The following RORA variants were observed in gnomAD, a reference collection of about 807,000 sequenced individuals.
The protein encoded by RORA is RAR related orphan receptor A, also known as nuclear receptor ROR-alpha.
In RORA, 7 loss-of-function variants were observed where a neutral mutation model predicts 69.5. The ratio of observed to expected loss-of-function variants is 0.10; its 90% confidence interval spans 0.06 to 0.19. RORA has a LOEUF of 0.19. Among genes scored for constraint, RORA ranks in the 10% least tolerant of loss-of-function variants. RORA has a pLI of 1.00. For missense variants in RORA, 457 were observed against 663.0 expected (o/e 0.69, Z 3.41); for synonymous variants, 261 against 240.8 (o/e 1.08, Z -0.78).
intron 1 of RORA, among the ~76,000 whole-genome samples, chr15:60,881,977 T>C (rs1336557785): frequency 1.3e-5 from 2 of 152,250 alleles, no homozygotes; most frequent in African/African-American, 2.4e-5. Context: ...TGACCATGAA[T>C]GGATACCTGA....
intron 1 of RORA, among the ~76,000 whole-genome samples, chr15:61,174,481 A>C (rs1485355344): frequency 6.6e-6 from 1 of 152,156 alleles, no homozygotes; most frequent in African/African-American, 2.4e-5. Context: ...CTCCCTTCTC[A>C]CGCAGCTTAT....
chr15:60,642,882 A>G (rs189193967), intron 2 of RORA, among the ~76,000 whole-genome samples: 73 of 152,260 alleles, frequency 4.8e-4, no homozygotes, highest in African/African-American at 1.8e-3. Flanking sequence ...TCTTTAAAAA[A>G]TAAATACAGG....
chr15:60,542,577 T>C (rs1181787681), intron 2 of RORA, among the ~76,000 whole-genome samples: 1 of 99,780 alleles, frequency 1.0e-5, no homozygotes, highest in Non-Finnish European at 1.9e-5. Flanking sequence ...ACGGCACGCA[T>C]GCACACCTCA....
At position 60,905,208 on chromosome 15, in the gene RORA, T is replaced by G. The variant is rs938733086; in HGVS notation, c.167-226522A>C. The stretch of plus-strand genomic sequence containing the variant: ...TTAGCCCTGTTATCATCTCTGATCT[T>G]GACCATTTCCCTTAGCCACTGGGCA... On this transcript the variant is annotated intron_variant, in intron 1 of 10. Transcript: ENST00000335670. This position sits in a 1 kb window ranked among gnomAD's most constrained non-coding sequence, Gnocchi z 4.8. 2.0e-5 allele frequency among the ~76,000 whole-genome samples: 3 copies of G among 152,234 alleles called. No homozygotes were observed. The highest frequency in any genetic ancestry group is 4.4e-5 in the Non-Finnish European group (3 of 68,038).
intron 1 of RORA, among the ~76,000 whole-genome samples, chr15:61,135,783 G>A (rs949870230): frequency 7.2e-5 from 11 of 152,102 alleles, no homozygotes; most frequent in African/African-American, 2.4e-4. Flanking sequence ...AACAGACACC[G>A]AGCATCACTG....
At chr15:61,167,109 C>T (rs1166773863) in intron 1 of RORA, among the ~76,000 whole-genome samples, 1 of 152,202 alleles carries the variant, frequency 6.6e-6, no homozygotes, top group Non-Finnish European at 1.5e-5. Flanking sequence ...TCCAGTTCTT[C>T]TTGTAATGAC....
intron 1 of RORA, among the ~76,000 whole-genome samples, chr15:61,154,722 ATGG>A (rs2079427634): frequency 6.6e-6 from 1 of 152,130 alleles, no homozygotes; most frequent in Non-Finnish European, 1.5e-5. Flanking sequence ...GGGAAGGAAA[ATGG>A]TGGTCTTAGA....
intron 2 of RORA, among the ~76,000 whole-genome samples, chr15:60,573,517 T>C (rs908260172): frequency 6.6e-6 from 1 of 152,216 alleles, no homozygotes; most frequent in Non-Finnish European, 1.5e-5. Context: ...GCCTTAAAAA[T>C]ATCTGGCAGC....
At chr15:61,218,088 T>C (rs1430709085) in intron 1 of RORA, among the ~76,000 whole-genome samples, 1 of 152,020 alleles carries the variant, frequency 6.6e-6, no homozygotes, top group East Asian at 1.9e-4. Context: ...ATGAAACCAA[T>C]GTGGTGGCTC....
At chr15:60,506,887 T>C (rs1003456023) in intron 5 of RORA, among the ~76,000 whole-genome samples, 1 of 151,870 alleles carries the variant, frequency 6.6e-6, no homozygotes, top group African/African-American at 2.4e-5. Flanking sequence ...CTTGGGAGGC[T>C]GAAGCAGGAG....
At chr15:61,148,089 C>A (rs572866612) in intron 1 of RORA, among the ~76,000 whole-genome samples, 1 of 152,138 alleles carries the variant, frequency 6.6e-6, no homozygotes, top group African/African-American at 2.4e-5. Context: ...ATCAATCCAT[C>A]GATGCCGAAG....
chr15:60,573,188 G>A (rs111941974), intron 2 of RORA, among the ~76,000 whole-genome samples: 29 of 152,200 alleles, frequency 1.9e-4, no homozygotes, highest in African/African-American at 4.8e-4. Context: ...ATTGAACCGC[G>A]GCACCACAGA....
At chr15:60,640,814 T>C (rs1439482488) in intron 2 of RORA, among the ~76,000 whole-genome samples, 1 of 152,220 alleles carries the variant, frequency 6.6e-6, no homozygotes, top group Non-Finnish European at 1.5e-5. Context: ...ACCTAGTCAC[T>C]CTCTATCACA....
intron 1 of RORA, among the ~76,000 whole-genome samples, chr15:60,833,436 A>C (rs939019629): frequency 6.6e-6 from 1 of 151,736 alleles, no homozygotes; most frequent in Non-Finnish European, 1.5e-5. Flanking sequence ...GGCTGATCTC[A>C]AACTCCTGAC....
rs561406813 is a variant in RORA at position 61,002,669 on chromosome 15, C to G, written c.166+226384G>C. Among the ~76,000 whole-genome samples the G allele has an allele frequency of 4.6e-5, 7 of 152,320 alleles. No homozygotes were observed. In the South Asian group the frequency reaches 1.4e-3, roughly 32 times the overall value. The stretch of plus-strand genomic sequence containing the variant: ...GTCATCTAGTCAAGAGGGCCAATCT[C>G]TGCAAGCAAATCATGCCGCTTTAGG... On this transcript the variant is annotated intron_variant, in intron 1 of 10. Transcript: ENST00000335670.
At chr15:61,145,333 C>T (rs1013488989) in intron 1 of RORA, among the ~76,000 whole-genome samples, 2 of 152,152 alleles carry the variant, frequency 1.3e-5, no homozygotes, top group Non-Finnish European at 2.9e-5. Context: ...CTGCAAGTTA[C>T]GTCTTATCAT....
At chr15:61,127,786 C>G (rs2079156019) in intron 1 of RORA, among the ~76,000 whole-genome samples, 1 of 152,180 alleles carries the variant, frequency 6.6e-6, no homozygotes, top group African/African-American at 2.4e-5. Flanking sequence ...GCCATCCAGA[C>G]AGATCACCCA....
intron 1 of RORA, among the ~76,000 whole-genome samples, chr15:60,817,078 T>A (rs1011178071): frequency 6.6e-6 from 1 of 152,228 alleles, no homozygotes; most frequent in Admixed American, 6.5e-5. Flanking sequence ...CACGTATGCA[T>A]TGTGAAATGA....
intron 1 of RORA, among the ~76,000 whole-genome samples, chr15:60,938,562 G>T (rs1408753867): frequency 6.6e-6 from 1 of 152,092 alleles, no homozygotes. Context: ...AGGTAATGTG[G>T]CATTAATGCT....
Sources: gnomAD v4.1 joint callset for allele counts (sites outside exome capture counted in the v4.1 genomes callset) on GRCh38, gnomAD v4.1.1 for gene constraint, Gnocchi (gnomAD v3.1) non-coding constraint, MANE v1.5 for transcripts, NCBI Gene and HGNC (gene_info 2026-07-23, HGNC 2026-07-21) for gene names.